The following ADAMTSL1 variants were observed in gnomAD, a reference collection of about 807,000 sequenced individuals.
The protein encoded by ADAMTSL1 is ADAMTS-like protein 1.
In ADAMTSL1, 126 loss-of-function variants were observed where a neutral mutation model predicts 201.8. The observed-to-expected ratio is 0.62, with a 90% CI of 0.54 to 0.72. The LOEUF (loss-of-function observed/expected upper bound fraction) is 0.72, where lower values mean the gene tolerates loss of function less well. ADAMTSL1 is among the 30% of genes least tolerant of loss of function. The pLI, the probability that ADAMTSL1 is intolerant of heterozygous loss-of-function variation, is 0.00. For synonymous variants in ADAMTSL1, 1,121 were observed against 903.4 expected, an observed-to-expected ratio of 1.24 and a Z score of -4.32; for missense variants, 2,679 against 2,277.8, an observed-to-expected ratio of 1.18 and a Z score of -3.59.
chr9:18,901,329 A>C (rs780761485), intron 26 of ADAMTSL1, among the ~76,000 whole-genome samples: 34 of 152,198 alleles, frequency 2.2e-4, no homozygotes, highest in Non-Finnish European at 4.4e-4. Context: ...AAAAGATGCT[A>C]GTTAACTCCA....
At chr9:18,186,814 G>T (rs1351931607) in intron 2 of ADAMTSL1, among the ~76,000 whole-genome samples, 1 of 150,248 alleles carries the variant, frequency 6.7e-6, no homozygotes, top group African/African-American at 2.5e-5. Flanking sequence ...TGCCAGCAGT[G>T]CCTTCTTATC....
At chr9:18,801,845 T>C (rs1445006805) in intron 20 of ADAMTSL1, among the ~76,000 whole-genome samples, 1 of 152,184 alleles carries the variant, frequency 6.6e-6, no homozygotes, top group South Asian at 2.1e-4. Context: ...GTGTGTGCCT[T>C]TATGATAGAA....
At chr9:18,357,251 T>C (rs1439194443) in intron 2 of ADAMTSL1, among the ~76,000 whole-genome samples, 1 of 151,958 alleles carries the variant, frequency 6.6e-6, no homozygotes, top group African/African-American at 2.4e-5. Context: ...AAGCAAAGTA[T>C]TTTTTTTCAA....
intron 1 of ADAMTSL1, among the ~76,000 whole-genome samples, chr9:17,948,764 G>A (rs897599780): frequency 6.6e-6 from 1 of 152,180 alleles, no homozygotes; most frequent in Non-Finnish European, 1.5e-5. Flanking sequence ...TAATGCAAAT[G>A]CTAATAAAAA....
intron 1 of ADAMTSL1, among the ~76,000 whole-genome samples, chr9:18,086,861 T>C (rs73645713): frequency 0.018 from 2,731 of 152,300 alleles, 67 homozygotes; most frequent in African/African-American, 0.062. Context: ...TTATTTCAAG[T>C]GCTTTGAAAA....
chr9:18,347,818 G>T (rs1280646589), intron 2 of ADAMTSL1, among the ~76,000 whole-genome samples: 1 of 152,134 alleles, frequency 6.6e-6, no homozygotes, highest in Admixed American at 6.6e-5. Context: ...TTTGTTTTAA[G>T]TTAGGTGTTG....
chr9:18,788,265 A>G lies in ADAMTSL1; in HGVS notation c.3678-7132A>G, dbSNP rs571852650. On this transcript the variant is annotated intron_variant, in intron 19 of 28. Transcript: ENST00000380548. ...TTCAGAAAAATAATCCTGCTCACGG[A>G]GGAGATCTCAGAGCATTCCTTTTGC... Among the ~76,000 whole-genome samples, 13 of 152,264 alleles carry G rather than the reference A, an allele frequency of 8.5e-5. No individual in the cohort carries two copies. The East Asian group carries it at 1.5e-3, about 18-fold the overall frequency.
intron 2 of ADAMTSL1, among the ~76,000 whole-genome samples, chr9:18,437,980 G>A (rs777116937): frequency 6.6e-6 from 1 of 152,136 alleles, no homozygotes; most frequent in African/African-American, 2.4e-5. Context: ...GCTAATGCCC[G>A]CTGCTGTTGC....
chr9:17,990,598 C>G (rs1026907454), intron 1 of ADAMTSL1, among the ~76,000 whole-genome samples: 5 of 151,902 alleles, frequency 3.3e-5, no homozygotes, highest in African/African-American at 1.2e-4. Flanking sequence ...GAGTTGAGCT[C>G]ATTATACTTA....
chr9:18,827,085 T>C (rs1824619788), intron 22 of ADAMTSL1, among the ~76,000 whole-genome samples: 1 of 151,542 alleles, frequency 6.6e-6, no homozygotes, highest in African/African-American at 2.4e-5. Flanking sequence ...TTGCAAGCTA[T>C]AACCGTTTTT....
Position 18,206,403 on chromosome 9 carries a change from A to G in ADAMTSL1, c.207+42422A>G, listed in dbSNP as rs777831719. Among the ~76,000 whole-genome samples, 5 of 152,212 alleles carry G rather than the reference A, an allele frequency of 3.3e-5. No homozygotes were observed. The South Asian group carries it at 6.2e-4, about 19-fold the overall frequency. On this transcript the variant is annotated intron_variant, in intron 2 of 29. Transcript: ENST00000680146. ...CCAGGTCCTGCGTTGCCCTCTCCCTATCTCAAATTTCCTTCACTCCTTTCT... is the reference window on the plus strand; with the variant it reads ...CCAGGTCCTGCGTTGCCCTCTCCCTGTCTCAAATTTCCTTCACTCCTTTCT...
At chr9:18,396,433 C>T (rs1181141939) in intron 2 of ADAMTSL1, among the ~76,000 whole-genome samples, 1 of 150,108 alleles carries the variant, frequency 6.7e-6, no homozygotes, top group Non-Finnish European at 1.5e-5. Context: ...AATAAATATT[C>T]ATTACTATTC....
At chr9:18,856,207 A>G (rs1242250148) in intron 23 of ADAMTSL1, among the ~76,000 whole-genome samples, 3 of 152,302 alleles carry the variant, frequency 2.0e-5, no homozygotes, top group Admixed American at 1.3e-4. Context: ...AATATTATAA[A>G]AAGTTAAATT....
intron 14 of ADAMTSL1, among the ~76,000 whole-genome samples, chr9:18,717,569 G>A (rs1833030762): frequency 1.3e-5 from 2 of 152,096 alleles, no homozygotes. Context: ...GAGCTCTTTG[G>A]ACTTTGTTTT....
intron 2 of ADAMTSL1, among the ~76,000 whole-genome samples, chr9:18,272,129 C>T (rs980193100): frequency 6.6e-6 from 1 of 152,106 alleles, no homozygotes; most frequent in South Asian, 2.1e-4. Context: ...TGTAGGTTGC[C>T]TGTTCACTCT....
intron 7 of ADAMTSL1, among the ~76,000 whole-genome samples, chr9:18,656,628 C>CAAAA (rs34965386): frequency 7.0e-4 from 53 of 75,362 alleles, no homozygotes; most frequent in African/African-American, 2.3e-3. Context: ...GACTCCATCG[C>CAAAA]AAAAAAAAAA....
intron 20 of ADAMTSL1, among the ~76,000 whole-genome samples, chr9:18,803,334 G>T (rs982504007): frequency 5.3e-5 from 8 of 152,174 alleles, no homozygotes; most frequent in African/African-American, 1.9e-4. Context: ...CTTGGCTCAT[G>T]GTTTCCTTCC....
intron 1 of ADAMTSL1, among the ~76,000 whole-genome samples, chr9:18,132,967 G>T (rs1265872359): frequency 1.3e-5 from 2 of 152,124 alleles, no homozygotes; most frequent in African/African-American, 4.8e-5. Flanking sequence ...AGGAGGTAGG[G>T]TTTAGATTCT....
intron 2 of ADAMTSL1, among the ~76,000 whole-genome samples, chr9:18,288,813 C>G (rs938137470): frequency 6.6e-6 from 1 of 152,158 alleles, no homozygotes; most frequent in Non-Finnish European, 1.5e-5. Context: ...TGACAAGAAC[C>G]AGAAACAAAG....
Sources: gnomAD v4.1 joint callset for allele counts (sites outside exome capture counted in the v4.1 genomes callset) on GRCh38, gnomAD v4.1.1 for gene constraint, MANE v1.5 for transcripts, NCBI Gene and HGNC (gene_info 2026-07-23, HGNC 2026-07-21) for gene names.